INPP4B: variants seen among roughly 807,000 people sequenced by gnomAD.
INPP4B encodes the protein inositol polyphosphate 4-phosphatase type II.
Under a neutral mutation model 122.5 loss-of-function variants are expected in INPP4B, and 55 were observed. The observed-to-expected ratio is 0.45, with a 90% confidence interval of 0.36 to 0.56. The LOEUF is 0.56. Among genes scored for constraint, INPP4B ranks in the 20% least tolerant of loss-of-function variants. The pLI is 0.00. For synonymous variants in INPP4B, 403 were observed against 388.7 expected, an observed-to-expected ratio of 1.04 and a Z score of -0.43; for missense variants, 1,000 against 1,097.7, an observed-to-expected ratio of 0.91 and a Z score of 1.26.
chr4:142,165,358 C>T (rs1482007629), intron 16 of INPP4B, among the ~76,000 whole-genome samples: 1 of 151,734 alleles, frequency 6.6e-6, no homozygotes, highest in Non-Finnish European at 1.5e-5. Flanking sequence ...CCTTACATTT[C>T]CACAGCTAGT....
At chr4:142,075,622 G>T (rs1222121221) in intron 25 of INPP4B, among the ~76,000 whole-genome samples, 4 of 151,990 alleles carry the variant, frequency 2.6e-5, no homozygotes, top group African/African-American at 9.7e-5. Flanking sequence ...CACTTTTAGA[G>T]AAAAATGTTC....
At chr4:142,693,445 T>G (rs1332494608) in intron 2 of INPP4B, among the ~76,000 whole-genome samples, 3 of 127,380 alleles carry the variant, frequency 2.4e-5, no homozygotes, top group Non-Finnish European at 4.7e-5. Context: ...TTTTACAACT[T>G]TCTGGCATTT....
chr4:142,107,691 G>A (rs1787856800), intron 23 of INPP4B, among the ~76,000 whole-genome samples: 1 of 152,070 alleles, frequency 6.6e-6, no homozygotes, highest in African/African-American at 2.4e-5. Context: ...TATATCTGAT[G>A]TTCTCCTGCA....
chr4:142,799,333 G>A (rs1436359205), intron 1 of INPP4B, among the ~76,000 whole-genome samples: 1 of 151,618 alleles, frequency 6.6e-6, no homozygotes, highest in Non-Finnish European at 1.5e-5. Flanking sequence ...ACATTAAAAG[G>A]TATATATTTG....
At chr4:142,728,133 CA>C (rs2150868764) in intron 1 of INPP4B, among the ~76,000 whole-genome samples, 1 of 152,252 alleles carries the variant, frequency 6.6e-6, no homozygotes, top group African/African-American at 2.4e-5. Flanking sequence ...TTAAAGTGGT[CA>C]GAGGATGTCA....
intron 17 of INPP4B, among the ~76,000 whole-genome samples, chr4:142,151,291 C>A (rs771852467): frequency 4.6e-5 from 7 of 152,056 alleles, no homozygotes; most frequent in African/African-American, 1.7e-4. Context: ...CACACACACA[C>A]CACATATCAA....
At chr4:142,813,267 T>G (rs1326941495) in intron 1 of INPP4B, among the ~76,000 whole-genome samples, 3 of 152,170 alleles carry the variant, frequency 2.0e-5, no homozygotes, top group Non-Finnish European at 4.4e-5. Flanking sequence ...TATCTTATTC[T>G]GGACATTCTT....
At position 142,448,243 on chromosome 4, in the gene INPP4B, T is replaced by C. The variant is rs773082186; in HGVS notation, c.-127+14420A>G. ...GCATGGAGTGCTGGATGCTTGATGATGCTACACACCTATGGCCCTTGTTTT... is the reference window on the plus strand; with the variant it reads ...GCATGGAGTGCTGGATGCTTGATGACGCTACACACCTATGGCCCTTGTTTT... On this transcript the variant is annotated intron_variant, in intron 3 of 25. Coordinates refer to ENST00000262992, the MANE Select transcript of INPP4B (RefSeq NM_001101669.3). Among the ~76,000 whole-genome samples, 9 of 149,042 alleles carry C rather than the reference T, an allele frequency of 6.0e-5. 1 individual carries two copies. The highest frequency in any genetic ancestry group is 1.3e-4 in the Non-Finnish European group (9 of 67,712).
intron 2 of INPP4B, among the ~76,000 whole-genome samples, chr4:142,518,483 G>T (rs1825689063): frequency 6.6e-6 from 1 of 152,020 alleles, no homozygotes; most frequent in Non-Finnish European, 1.5e-5. Context: ...TACATGCTAT[G>T]TCTTTCCCTC....
chr4:142,621,114 C>A (rs1225539072), intron 2 of INPP4B, among the ~76,000 whole-genome samples: 1 of 151,598 alleles, frequency 6.6e-6, no homozygotes, highest in Non-Finnish European at 1.5e-5. Flanking sequence ...GACATTTTAG[C>A]CCCTTTGTCT....
chr4:142,099,975 G>C (rs889066476), intron 23 of INPP4B, among the ~76,000 whole-genome samples: 6 of 152,000 alleles, frequency 3.9e-5, no homozygotes, highest in Non-Finnish European at 8.8e-5. Flanking sequence ...TACTGTGCAG[G>C]CAGAATCACC....
At chr4:142,062,251 T>A (rs1761321254) in intron 25 of INPP4B, among the ~76,000 whole-genome samples, 3 of 151,896 alleles carry the variant, frequency 2.0e-5, no homozygotes. Context: ...ACCATCACAC[T>A]ATTACACCAC....
chr4:142,229,263 G>A (rs1392637733), intron 12 of INPP4B, among the ~76,000 whole-genome samples: 1 of 151,958 alleles, frequency 6.6e-6, no homozygotes, highest in East Asian at 1.9e-4. Flanking sequence ...ATACTGTAGG[G>A]AACCATTTGT....
intron 15 of INPP4B, among the ~76,000 whole-genome samples, chr4:142,184,228 G>A (rs902201124): frequency 2.0e-5 from 3 of 152,140 alleles, no homozygotes; most frequent in African/African-American, 7.2e-5. Flanking sequence ...CAACTTGGAG[G>A]TGTTAAAGTC....
intron 8 of INPP4B, among the ~76,000 whole-genome samples, chr4:142,312,836 G>C (rs1165480776): frequency 1.3e-5 from 2 of 152,162 alleles, no homozygotes; most frequent in Non-Finnish European, 2.9e-5. Flanking sequence ...GCCCATCAGA[G>C]AGCCAGCAAA....
intron 5 of INPP4B, among the ~76,000 whole-genome samples, chr4:142,424,644 A>G (rs911580655): frequency 5.9e-5 from 9 of 152,062 alleles, no homozygotes; most frequent in Admixed American, 5.3e-4. Flanking sequence ...TTAATGACTG[A>G]TTAATATCCT....
At chr4:142,790,612 C>T (rs1378273565) in intron 1 of INPP4B, among the ~76,000 whole-genome samples, 1 of 151,500 alleles carries the variant, frequency 6.6e-6, no homozygotes, top group Non-Finnish European at 1.5e-5. Flanking sequence ...ATTTTCAAAG[C>T]CCAAGGCCTA....
At chr4:142,264,958 CTCTT>C (rs1056034895) in intron 10 of INPP4B, among the ~76,000 whole-genome samples, 10 of 151,236 alleles carry the variant, frequency 6.6e-5, no homozygotes, top group Non-Finnish European at 1.3e-4. Context: ...CCTTTCCTCT[CTCTT>C]TCTCTCTCTC....
chr4:142,318,627 C>T (rs568296933), intron 7 of INPP4B, among the ~76,000 whole-genome samples: 177 of 152,258 alleles, frequency 1.2e-3, no homozygotes, highest in African/African-American at 4.2e-3. Context: ...TTTGTCTAGA[C>T]TTTTATGATG....
Sources: allele counts gnomAD v4.1 joint callset (sites outside exome capture counted in the v4.1 genomes callset), GRCh38; gene constraint gnomAD v4.1.1; transcripts MANE v1.5; gene names NCBI Gene and HGNC (gene_info 2026-07-23, HGNC 2026-07-21).